DEUP1: variants seen among roughly 807,000 people sequenced by gnomAD.
DEUP1 encodes the protein coiled-coil domain containing 67.
A neutral mutation model predicts 87.4 loss-of-function variants in DEUP1; 82 were observed. The observed-to-expected ratio is 0.94, with a 90% CI of 0.78 to 1.13. The LOEUF (loss-of-function observed/expected upper bound fraction) is 1.13, where lower values mean the gene tolerates loss of function less well. DEUP1 is among the 50% of genes most tolerant of loss of function. The pLI, the probability that DEUP1 is intolerant of heterozygous loss-of-function variation, is 0.00. For missense variants in DEUP1, 663 were observed against 681.5 expected, an observed-to-expected ratio of 0.97 and a Z score of 0.30; for synonymous variants, 214 against 222.7, an observed-to-expected ratio of 0.96 and a Z score of 0.35.
intron 8 of DEUP1, among the ~76,000 whole-genome samples, chr11:93,387,921 T>C (rs1946636906): frequency 6.6e-6 from 1 of 152,104 alleles, no homozygotes; most frequent in South Asian, 2.1e-4. Context: ...TTTGCACACA[T>C]ATATGCATAG....
chr11:93,394,733 A>G (rs1011401932), intron 10 of DEUP1, 77 bp downstream of exon 10: 3 of 913,452 alleles, frequency 3.3e-6, no homozygotes, highest in Non-Finnish European at 4.8e-6. Context: ...ATTATTGACT[A>G]ATGAAAACAT....
chr11:93,371,483 G>A (rs571047821), intron 7 of DEUP1, among the ~76,000 whole-genome samples: 1 of 152,226 alleles, frequency 6.6e-6, no homozygotes, highest in African/African-American at 2.4e-5. Context: ...GTGCACTTTG[G>A]TTCTGCGGTG....
chr11:93,373,605 T>TACA (rs1565316134), intron 7 of DEUP1, among the ~76,000 whole-genome samples: 3 of 128,704 alleles, frequency 2.3e-5, no homozygotes, highest in African/African-American at 9.1e-5. Context: ...GTATATATAT[T>TACA]TATATATGTA....
intron 13 of DEUP1, among the ~76,000 whole-genome samples, chr11:93,428,176 C>T (rs1254689115): frequency 6.6e-6 from 1 of 151,970 alleles, no homozygotes; most frequent in Non-Finnish European, 1.5e-5. Context: ...TTCACAATAG[C>T]AAAGACTTGG....
intron 9 of DEUP1, among the ~76,000 whole-genome samples, chr11:93,391,596 T>A (rs1260300601): frequency 6.6e-6 from 1 of 150,802 alleles, no homozygotes; most frequent in Non-Finnish European, 1.5e-5. Flanking sequence ...TAGTCCCAGC[T>A]ACTCGGGAGG....
rs965466344 is a variant in DEUP1, at chr11:93,408,162, A to C, written c.1327-69A>C. The C allele has an allele frequency of 6.1e-6, 7 of 1,155,090 alleles. No homozygotes were observed. The African/African-American group carries it at 1.1e-4, about 19-fold the overall frequency. 71.6% of individuals were successfully genotyped at this position (1,155,090 alleles called of 1,614,324 possible). A position where few individuals can be genotyped will look rare whatever the true frequency, so the allele number is the denominator to read the frequency against. On this transcript the variant is annotated intron_variant, in intron 11 of 13. Coordinates refer to ENST00000298050, the MANE Select transcript of DEUP1 (RefSeq NM_181645.4). ...AAGGGCCTTTCCAGCACAAGTCTCC[A>C]AACACACAGAAAATATGCATTACTT...
chr11:93,420,451 A>G (rs1422437717), intron 13 of DEUP1, among the ~76,000 whole-genome samples: 2 of 152,138 alleles, frequency 1.3e-5, no homozygotes, highest in South Asian at 4.1e-4. Flanking sequence ...CCCATAGCCA[A>G]TATCATACTG....
At chr11:93,343,743 G>A (rs1231149113) in intron 2 of DEUP1, among the ~76,000 whole-genome samples, 1 of 152,136 alleles carries the variant, frequency 6.6e-6, no homozygotes, top group African/African-American at 2.4e-5. Flanking sequence ...CAATTGGTAG[G>A]GACTTGGAGG....
chr11:93,349,040 T>C (rs564573017), intron 2 of DEUP1, among the ~76,000 whole-genome samples: 1 of 152,310 alleles, frequency 6.6e-6, no homozygotes, highest in African/African-American at 2.4e-5. Flanking sequence ...TGTGATAGCC[T>C]ACCCTCTGCA....
intron 11 of DEUP1, among the ~76,000 whole-genome samples, chr11:93,407,921 A>G (rs1273717513): frequency 6.6e-6 from 1 of 151,962 alleles, no homozygotes; most frequent in Non-Finnish European, 1.5e-5. Context: ...TACAGAGAGC[A>G]ACAATGCATA....
At chr11:93,398,534 T>G (rs935163994) in intron 11 of DEUP1, among the ~76,000 whole-genome samples, 2 of 152,180 alleles carry the variant, frequency 1.3e-5, no homozygotes, top group Admixed American at 1.3e-4. Flanking sequence ...GGCATAGGTG[T>G]TATAGGTCTT....
rs1357467638 is a variant in DEUP1 at position 93,350,832 on chromosome 11, T to C, written c.30-4539T>C. 7.2e-5 allele frequency among the ~76,000 whole-genome samples: 11 copies of C among 151,926 alleles called. No individual in the cohort carries two copies. In the South Asian group the frequency reaches 2.3e-3, roughly 32 times the overall value. On this transcript the variant is annotated intron_variant, in intron 2 of 13. Transcript: ENST00000298050. ...TTAGCCAGATGTGGTAGCACATGCC[T>C]GTAGTCCCAGCTACTCGGGAGGCTG...
intron 2 of DEUP1, among the ~76,000 whole-genome samples, chr11:93,332,653 G>T (rs1476516288): frequency 6.6e-6 from 1 of 152,026 alleles, no homozygotes; most frequent in Non-Finnish European, 1.5e-5. Context: ...CTCTACTCTT[G>T]CCCCTTAAGG....
At chr11:93,373,624 C>CACAAATATTATATAT (rs1945865108) in intron 7 of DEUP1, among the ~76,000 whole-genome samples, 2 of 78,868 alleles carry the variant, frequency 2.5e-5, no homozygotes, top group Non-Finnish European at 3.5e-5. Context: ...TATATATATA[C>CACAAATATTATATAT]GTATATATAT....
At chr11:93,409,933 T>C (rs1947388136) in intron 12 of DEUP1, among the ~76,000 whole-genome samples, 1 of 152,188 alleles carries the variant, frequency 6.6e-6, no homozygotes, top group Non-Finnish European at 1.5e-5. Flanking sequence ...GACAAATGGC[T>C]GAATCTGACA....
In DEUP1 at chr11:93,385,445, T is replaced by G; in HGVS notation, c.837T>G (p.Arg279=). 6.2e-7 allele frequency: 1 copy of G among 1,612,962 alleles called. No homozygotes were observed. Among genetic ancestry groups the G allele is most frequent in the Middle Eastern group, 1.7e-4 (1 of 6,052 alleles). ...AGGTAAAAAGTGAGTTACAGTCACG[T>G]GATGATCTCTTGAGAATTATAGAAA... is the stretch of plus-strand genomic sequence containing the variant. ...LSEVKSELQS[R]DDLLRIIEME... Residue 279 remains arginine (R), a synonymous_variant, in exon 8 of 14, where the codon CGT becomes CGG. Coordinates refer to ENST00000298050, the MANE Select transcript of DEUP1 (RefSeq NM_181645.4).
At chr11:93,398,742 A>G (rs1462083102) in intron 11 of DEUP1, among the ~76,000 whole-genome samples, 1 of 137,910 alleles carries the variant, frequency 7.3e-6, no homozygotes, top group Non-Finnish European at 1.5e-5. Flanking sequence ...TTTTTTTGAG[A>G]TGGAGTCTCA....
At chr11:93,408,752 G>C in intron 12 of DEUP1, among the ~76,000 whole-genome samples, 1 of 152,008 alleles carries the variant, frequency 6.6e-6, no homozygotes, top group East Asian at 1.9e-4. Flanking sequence ...GATTTTAATA[G>C]GTATATTGTT....
At position 93,397,708 on chromosome 11, in the gene DEUP1, T is replaced by C. The variant is rs1016668193; in HGVS notation, c.1326+1383T>C. 2.6e-5 allele frequency among the ~76,000 whole-genome samples: 4 copies of C among 152,194 alleles called. No homozygotes were observed. In the East Asian group the frequency reaches 7.7e-4, roughly 29 times the overall value. ...AAGCTATCCAGTGCTAACGAATTAG[T>C]GTTTGTTGTAGCATTCTGTAACTTT... On this transcript the variant is annotated intron_variant, in intron 11 of 13. Transcript: ENST00000298050.
Sources: gnomAD v4.1 joint callset for allele counts (sites outside exome capture counted in the v4.1 genomes callset) on GRCh38, gnomAD v4.1.1 for gene constraint, MANE v1.5 for transcripts, NCBI Gene and HGNC (gene_info 2026-07-23, HGNC 2026-07-21) for gene names.